RAB2A: variants seen among roughly 807,000 people sequenced by gnomAD.
The protein encoded by RAB2A is ras-related protein Rab-2A.
In RAB2A, 7 loss-of-function variants were observed where a neutral mutation model predicts 32.5. The observed-to-expected ratio is 0.22, with a 90% confidence interval of 0.12 to 0.40. RAB2A has a LOEUF of 0.40. RAB2A is among the 10% of genes least tolerant of loss of function. RAB2A has a pLI of 1.00. For missense variants in RAB2A, 108 were observed against 260.7 expected, an observed-to-expected ratio of 0.41 and a Z score of 4.03; for synonymous variants, 79 against 85.2, an observed-to-expected ratio of 0.93 and a Z score of 0.40.
intron 1 of RAB2A, among the ~76,000 whole-genome samples, chr8:60,555,773 C>T (rs999073150): frequency 1.8e-4 from 28 of 152,168 alleles, no homozygotes; most frequent in Non-Finnish European, 3.8e-4. Flanking sequence ...AAATTATAGT[C>T]ACTAAGAGAA....
chr8:60,580,817 T>C (rs1204089808), intron 3 of RAB2A, among the ~76,000 whole-genome samples: 1 of 152,240 alleles, frequency 6.6e-6, no homozygotes, highest in African/African-American at 2.4e-5. Context: ...TACTATCTCT[T>C]ATCTAGGCTC....
intron 6 of RAB2A, among the ~76,000 whole-genome samples, chr8:60,602,235 T>C (rs1247971483): frequency 6.6e-6 from 1 of 152,216 alleles, no homozygotes; most frequent in Non-Finnish European, 1.5e-5. Context: ...TAAACCCTTA[T>C]AGACATCATC....
At chr8:60,587,899 TAAG>T (rs1242637166) in intron 5 of RAB2A, among the ~76,000 whole-genome samples, 2 of 152,220 alleles carry the variant, frequency 1.3e-5, no homozygotes, top group Non-Finnish European at 2.9e-5. Context: ...AATTCATTAA[TAAG>T]AAGACATCCA....
At chr8:60,537,331 C>G (rs1029954524) in intron 1 of RAB2A, among the ~76,000 whole-genome samples, 1 of 147,932 alleles carries the variant, frequency 6.8e-6, no homozygotes, top group Non-Finnish European at 1.5e-5. Flanking sequence ...AAGTGATTCT[C>G]GTGCCCCAGC....
chr8:60,618,194 C>T (rs1399011455), intron 6 of RAB2A, among the ~76,000 whole-genome samples: 2 of 152,224 alleles, frequency 1.3e-5, no homozygotes, highest in Non-Finnish European at 2.9e-5. Flanking sequence ...CATGTGCGTA[C>T]ATCCTTTGTT....
intron 4 of RAB2A, 134 bp downstream of exon 4, chr8:60,584,424 C>A: frequency 1.4e-6 from 1 of 710,304 alleles, no homozygotes. Flanking sequence ...ATCTTGAGTC[C>A]AATTTAAATT....
intron 1 of RAB2A, among the ~76,000 whole-genome samples, chr8:60,538,280 A>G (rs1225010912): frequency 6.6e-6 from 1 of 152,232 alleles, no homozygotes. Flanking sequence ...TTCTACCTAT[A>G]TTCAAATACC....
chr8:60,602,075 G>A (rs1804143090), intron 6 of RAB2A, among the ~76,000 whole-genome samples: 1 of 149,654 alleles, frequency 6.7e-6, no homozygotes, highest in South Asian at 2.1e-4. Context: ...GCAAAGTCTT[G>A]CCATGTTGCC....
rs563884461 is a variant in RAB2A, at chr8:60,546,989, G to T, written c.47-11863G>T. On this transcript the variant is annotated intron_variant, in intron 1 of 7. Transcript: ENST00000262646. ...CAGGACAATAGTGGAGGGAAGGTCA[G>T]CAGATAAACAAGTGAACAAAGGTCT... Among the ~76,000 whole-genome samples the T allele has an allele frequency of 9.5e-5, 14 of 148,068 alleles. No homozygotes were observed. In the South Asian group the frequency reaches 3.1e-3, roughly 33 times the overall value.
At chr8:60,569,289 G>A (rs908757027) in intron 2 of RAB2A, among the ~76,000 whole-genome samples, 3 of 151,478 alleles carry the variant, frequency 2.0e-5, no homozygotes, top group African/African-American at 4.9e-5. Flanking sequence ...TTTGCTTCTT[G>A]TTTCTGTTTG....
At chr8:60,608,321 T>C (rs1009220857) in intron 6 of RAB2A, among the ~76,000 whole-genome samples, 1 of 152,166 alleles carries the variant, frequency 6.6e-6, no homozygotes, top group African/African-American at 2.4e-5. Context: ...CCTTTTTTTT[T>C]CTGCTTTTCT....
chr8:60,523,103 G>C (rs1052450858), intron 1 of RAB2A, among the ~76,000 whole-genome samples: 1 of 151,726 alleles, frequency 6.6e-6, no homozygotes, highest in Non-Finnish European at 1.5e-5. Context: ...CATATACACA[G>C]TTTAATAGTT....
At chr8:60,553,293 T>C (rs984757512) in intron 1 of RAB2A, among the ~76,000 whole-genome samples, 1 of 152,248 alleles carries the variant, frequency 6.6e-6, no homozygotes, top group African/African-American at 2.4e-5. Flanking sequence ...CTAAAGTTGC[T>C]GTCCACAGGT....
At chr8:60,534,449 G>A (rs1048424667) in intron 1 of RAB2A, among the ~76,000 whole-genome samples, 4 of 152,034 alleles carry the variant, frequency 2.6e-5, no homozygotes, top group Non-Finnish European at 5.9e-5. Context: ...CCTCCAGCCT[G>A]GGCAGTGTAG....
At chr8:60,520,484 ACCCT>A (rs1206026826) in intron 1 of RAB2A, among the ~76,000 whole-genome samples, 5 of 152,258 alleles carry the variant, frequency 3.3e-5, no homozygotes, top group African/African-American at 1.2e-4. Context: ...CTTATCACTA[ACCCT>A]CCCTGCTGCT....
At chr8:60,547,206 G>T (rs1380297444) in intron 1 of RAB2A, among the ~76,000 whole-genome samples, 1 of 152,040 alleles carries the variant, frequency 6.6e-6, no homozygotes, top group Non-Finnish European at 1.5e-5. Flanking sequence ...AGAACACAGG[G>T]TTGGGGGTAA....
chr8:60,615,861 G>C (rs1804439814), intron 6 of RAB2A, among the ~76,000 whole-genome samples: 1 of 151,924 alleles, frequency 6.6e-6, no homozygotes, highest in Non-Finnish European at 1.5e-5. Context: ...CAAACGCAAA[G>C]GACTCATTAA....
chr8:60,592,269 G>A, intron 6 of RAB2A, among the ~76,000 whole-genome samples: 1 of 152,108 alleles, frequency 6.6e-6, no homozygotes. Context: ...TTCATAGAAA[G>A]TCAGTCTGGC....
At chr8:60,535,572 G>A (rs1807544664) in intron 1 of RAB2A, among the ~76,000 whole-genome samples, 1 of 152,246 alleles carries the variant, frequency 6.6e-6, no homozygotes, top group South Asian at 2.1e-4. Flanking sequence ...GTCAGCTTCT[G>A]ATTCTGTTAG....
Sources: gnomAD v4.1 joint callset for allele counts (sites outside exome capture counted in the v4.1 genomes callset) on GRCh38, gnomAD v4.1.1 for gene constraint, MANE v1.5 for transcripts, NCBI Gene and HGNC (gene_info 2026-07-23, HGNC 2026-07-21) for gene names.